ERC1: variants seen among roughly 807,000 people sequenced by gnomAD.
ERC1 encodes the protein RAB6 interacting protein 2.
ERC1 carries 56 observed loss-of-function variants against 132.0 expected under a neutral mutation model. That is an observed-to-expected ratio of 0.42 (90% CI 0.34 to 0.53). The LOEUF is 0.53. Ranked by LOEUF, ERC1 falls within the 20% of genes least tolerant of loss-of-function variation. ERC1 has a pLI of 0.03. For missense variants in ERC1, 1,202 were observed against 1,349.9 expected (o/e 0.89, Z 1.72); for synonymous variants, 478 against 476.1 (o/e 1.00, Z -0.05).
Position 1,495,750 on chromosome 12 carries a change from G to A in ERC1, c.*5520G>A, listed in dbSNP as rs930339270. ...TGGTGTCTGGGATGCACGTGCACCC[G>A]CTGCCTTCAGCTGTATGTGTGTGTT... On this transcript the variant is annotated 3_prime_UTR_variant, in exon 19 of 19. Coordinates refer to ENST00000360905, the MANE Select transcript of ERC1 (RefSeq NM_178040.4). 1.4e-5 allele frequency: 3 copies of A among 222,156 alleles called. No individual in the cohort carries two copies. The highest frequency in any genetic ancestry group is 2.2e-5 in the African/African-American group (1 of 44,670). The allele number at this position is 222,156 out of a possible 1,614,324, so 13.8% of individuals were successfully genotyped here.
intron 1 of ERC1, among the ~76,000 whole-genome samples, chr12:1,024,979 G>A (rs932779759): frequency 6.6e-6 from 1 of 152,076 alleles, no homozygotes; most frequent in Non-Finnish European, 1.5e-5. Flanking sequence ...ATTTAGAGAT[G>A]ATTTAAAGTA....
chr12:1,227,286 A>G (rs989401829), intron 12 of ERC1, among the ~76,000 whole-genome samples: 1 of 152,132 alleles, frequency 6.6e-6, no homozygotes, highest in Non-Finnish European at 1.5e-5. Context: ...ATCCTTGCCA[A>G]TACTTGTTAT....
intron 16 of ERC1, among the ~76,000 whole-genome samples, chr12:1,382,722 TAA>T (rs1334085100): frequency 2.2e-4 from 33 of 152,338 alleles, no homozygotes; most frequent in African/African-American, 7.2e-4. Context: ...AGGCTGACAT[TAA>T]GAGTTTAAAA....
intron 16 of ERC1, among the ~76,000 whole-genome samples, chr12:1,405,423 A>G (rs1244766271): frequency 2.0e-5 from 3 of 151,700 alleles, no homozygotes; most frequent in Non-Finnish European, 4.4e-5. Flanking sequence ...CATTCAGGGG[A>G]CCAGGCACAG....
At chr12:1,357,947 C>G (rs2085700224) in intron 15 of ERC1, among the ~76,000 whole-genome samples, 1 of 152,160 alleles carries the variant, frequency 6.6e-6, no homozygotes, top group African/African-American at 2.4e-5. Flanking sequence ...AACAGAAACT[C>G]CCTTGGCTTG....
At chr12:1,461,277 T>C (rs1184294814) in intron 18 of ERC1, among the ~76,000 whole-genome samples, 1 of 152,190 alleles carries the variant, frequency 6.6e-6, no homozygotes, top group African/African-American at 2.4e-5. Flanking sequence ...GTATAACCTG[T>C]ATGTTGAATG....
At chr12:1,301,377 G>C (rs1225906710) in intron 15 of ERC1, among the ~76,000 whole-genome samples, 1 of 152,108 alleles carries the variant, frequency 6.6e-6, no homozygotes. Flanking sequence ...TATGTTCATT[G>C]CAGCACTGTT....
At chr12:1,075,529 A>G (rs940964223) in intron 2 of ERC1, among the ~76,000 whole-genome samples, 1 of 152,152 alleles carries the variant, frequency 6.6e-6, no homozygotes, top group Non-Finnish European at 1.5e-5. Context: ...CGTCTCTACT[A>G]AAAATACAAA....
chr12:1,124,166 A>G (rs1007954418), intron 7 of ERC1, among the ~76,000 whole-genome samples: 10 of 152,230 alleles, frequency 6.6e-5, no homozygotes, highest in African/African-American at 2.2e-4. Context: ...TTGTCCTAAC[A>G]TAGAGAATAA....
chr12:1,327,412 A>G (rs1009965602), intron 15 of ERC1, among the ~76,000 whole-genome samples: 1 of 152,222 alleles, frequency 6.6e-6, no homozygotes, highest in African/African-American at 2.4e-5. Flanking sequence ...CCATGATTAT[A>G]TAACATTAAA....
intron 8 of ERC1, chr12:1,153,097 C>G (rs190178968): frequency 1.8e-4 from 27 of 152,364 alleles, no homozygotes; most frequent in Middle Eastern, 3.4e-3. Context: ...CATAGCTTCT[C>G]TTTTCACAGT....
intron 15 of ERC1, among the ~76,000 whole-genome samples, chr12:1,332,824 G>A (rs1308862828): frequency 2.0e-5 from 3 of 152,138 alleles, no homozygotes; most frequent in Non-Finnish European, 4.4e-5. Context: ...CATGTCCTAT[G>A]TAAGAGCATA....
intron 2 of ERC1, among the ~76,000 whole-genome samples, chr12:1,040,742 G>C (rs1344884465): frequency 6.6e-6 from 1 of 151,972 alleles, no homozygotes; most frequent in African/African-American, 2.4e-5. Context: ...TACGTAATAG[G>C]CTTTCCTTCC....
At position 1,096,079 on chromosome 12, in the gene ERC1, A is replaced by C. The variant is rs140110908; in HGVS notation, c.1087-8671A>C. Among the ~76,000 whole-genome samples, 1,211 of 152,086 alleles carry C rather than the reference A, an allele frequency of 8.0e-3. 15 individuals are homozygous for C. The highest frequency in any genetic ancestry group is 0.028 in the African/African-American group (1,162 of 41,460). On this transcript the variant is annotated intron_variant, in intron 3 of 18. Transcript: ENST00000360905. ...GTGGCTGGGACTACACATGAGCACCACCACACCCAGCTAGTTTTATGTGTT... is the reference window on the plus strand; with the variant it reads ...GTGGCTGGGACTACACATGAGCACCCCCACACCCAGCTAGTTTTATGTGTT...
chr12:994,066 CAAAAAAAAAAAAA>C (rs72073964), intron 1 of ERC1, among the ~76,000 whole-genome samples: 48 of 64,266 alleles, frequency 7.5e-4, no homozygotes, highest in Admixed American at 6.0e-3. Context: ...AACTCCGTCT[CAAAAAAAAAAAAA>C]AAAAAAAAAA....
intron 7 of ERC1, among the ~76,000 whole-genome samples, chr12:1,130,877 A>C (rs1948699925): frequency 6.6e-6 from 1 of 152,198 alleles, no homozygotes; most frequent in African/African-American, 2.4e-5. Flanking sequence ...AAATGCAGTC[A>C]TAGGATATAT....
chr12:1,153,812 C>T (rs1951057169), intron 8 of ERC1, among the ~76,000 whole-genome samples: 1 of 152,212 alleles, frequency 6.6e-6, no homozygotes, highest in Non-Finnish European at 1.5e-5. Flanking sequence ...CCTACATAAT[C>T]ACAGGCCCCA....
chr12:1,239,848 A>C (rs761439037), intron 13 of ERC1, among the ~76,000 whole-genome samples: 4 of 152,208 alleles, frequency 2.6e-5, no homozygotes, highest in Admixed American at 6.5e-5. Context: ...TTGGAGTTAC[A>C]TGGAGGGCTA....
At chr12:1,470,075 A>G (rs894503315) in intron 18 of ERC1, among the ~76,000 whole-genome samples, 1 of 151,706 alleles carries the variant, frequency 6.6e-6, no homozygotes, top group Admixed American at 6.6e-5. Context: ...GTCATCTCAC[A>G]AGGGAGTCAG....
Sources: gnomAD v4.1 joint callset for allele counts (sites outside exome capture counted in the v4.1 genomes callset) on GRCh38, gnomAD v4.1.1 for gene constraint, MANE v1.5 for transcripts, NCBI Gene and HGNC (gene_info 2026-07-23, HGNC 2026-07-21) for gene names.